NOCT: variants seen among roughly 807,000 people sequenced by gnomAD.
NOCT encodes nocturnin.
NOCT carries 18 observed loss-of-function variants against 35.0 expected under a neutral mutation model. The ratio of observed to expected loss-of-function variants is 0.51; its 90% CI spans 0.36 to 0.76. NOCT has a LOEUF of 0.76. Ranked by LOEUF, NOCT falls within the 30% of genes least tolerant of loss-of-function variation. NOCT has a pLI of 0.01. For missense variants in NOCT, 479 were observed against 541.0 expected, an observed-to-expected ratio of 0.89 and a Z score of 1.14; for synonymous variants, 235 against 226.3, an observed-to-expected ratio of 1.04 and a Z score of -0.34.
At position 139,020,897 on chromosome 4, in the gene NOCT, C is replaced by G. The variant is rs1167421007; in HGVS notation, c.190+4726C>G. On this transcript the variant is annotated intron_variant, in intron 1 of 2. Coordinates refer to ENST00000280614, the MANE Select transcript of NOCT (RefSeq NM_012118.4). The stretch of plus-strand genomic sequence containing the variant: ...TGGGCAACATGGTGAAACCCTGTCT[C>G]TACTTACATTAGAAAAAAAATAGCC... 2.0e-5 allele frequency among the ~76,000 whole-genome samples: 3 copies of G among 151,744 alleles called. No individual in the cohort carries two copies. The East Asian group carries it at 5.9e-4, about 30-fold the overall frequency.
At position 139,044,696 on chromosome 4, in the gene NOCT, A is replaced by G. The variant is rs780006655; in HGVS notation, c.518A>G (p.Glu173Gly). Residue 173 changes from glutamate (E) to glycine (G), a missense_variant, in exon 3 of 3, where the codon GAA becomes GGA. By Grantham distance (98) the Glu-to-Gly change is moderately conservative. Coordinates refer to ENST00000280614, the MANE Select transcript of NOCT (RefSeq NM_012118.4). ...VQCPVEALKW[E>G]ERKCLILEEI... ...TGCCCTGTTGAAGCACTCAAATGGG[A>G]AGAAAGGAAATGTCTCATCCTGGAA... The G allele has an allele frequency of 2.5e-6, 4 of 1,614,178 alleles. No homozygotes were observed. In the South Asian group the frequency reaches 3.3e-5, roughly 13 times the overall value.
At chr4:139,037,079 T>A (rs1327804354) in intron 1 of NOCT, among the ~76,000 whole-genome samples, 1 of 152,218 alleles carries the variant, frequency 6.6e-6, no homozygotes, top group Non-Finnish European at 1.5e-5. Context: ...GGGCTTGTCC[T>A]ATGTCATGTT....
chr4:139,045,621 A>G lies in NOCT; in HGVS notation c.*147A>G. 1 of 519,920 alleles carries G rather than the reference A, an allele frequency of 1.9e-6. No homozygotes were observed. Among genetic ancestry groups the G allele is most frequent in the Non-Finnish European group, 3.3e-6 (1 of 306,674 alleles). The allele number at this position is 519,920 out of a possible 1,614,324, so 32.2% of individuals were successfully genotyped here. ...AAGATCCGCCTCCCGGGTTCATGGCATTCTCCTGCCTCAGCCTCCAGAGCA... is the reference window on the plus strand; with the variant it reads ...AAGATCCGCCTCCCGGGTTCATGGCGTTCTCCTGCCTCAGCCTCCAGAGCA... On this transcript the variant is annotated 3_prime_UTR_variant, in exon 3 of 3. Transcript: ENST00000280614.
chr4:139,045,611 G>C lies in NOCT; in HGVS notation c.*137G>C. 1 of 528,728 alleles carries C rather than the reference G, an allele frequency of 1.9e-6. No individual in the cohort carries two copies. The highest frequency in any genetic ancestry group is 4.3e-5 in the Admixed American group (1 of 23,132). The allele number at this position is 528,728 out of a possible 1,614,324, so 32.8% of individuals were successfully genotyped here. ...GGCTCACTGCAAGATCCGCCTCCCGGGTTCATGGCATTCTCCTGCCTCAGC... is the reference window on the plus strand; with the variant it reads ...GGCTCACTGCAAGATCCGCCTCCCGCGTTCATGGCATTCTCCTGCCTCAGC... On this transcript the variant is annotated 3_prime_UTR_variant, in exon 3 of 3. Coordinates refer to ENST00000280614, the MANE Select transcript of NOCT (RefSeq NM_012118.4).
intron 1 of NOCT, among the ~76,000 whole-genome samples, chr4:139,034,508 C>A (rs758574385): frequency 6.6e-6 from 1 of 151,998 alleles, no homozygotes; most frequent in Non-Finnish European, 1.5e-5. Context: ...AAAAATAATA[C>A]GTAAAGTCTA....
intron 1 of NOCT, among the ~76,000 whole-genome samples, chr4:139,042,204 A>G (rs918054284): frequency 8.0e-5 from 12 of 149,648 alleles, no homozygotes; most frequent in Non-Finnish European, 7.4e-5. Context: ...AGTAGCTGGG[A>G]TTACAGGCGC....
At chr4:139,016,638 G>GTTTT (rs1560727604) in intron 1 of NOCT, among the ~76,000 whole-genome samples, 1 of 50,822 alleles carries the variant, frequency 2.0e-5, no homozygotes, top group African/African-American at 6.9e-5. Flanking sequence ...TTCGTTTTAC[G>GTTTT]TTGTTTTTTT....
intron 1 of NOCT, among the ~76,000 whole-genome samples, chr4:139,020,648 G>T (rs953874928): frequency 6.6e-6 from 1 of 152,162 alleles, no homozygotes; most frequent in Admixed American, 6.6e-5. Flanking sequence ...TATTTAACAA[G>T]TGCCTCAGGG....
Position 139,042,926 on chromosome 4 carries a change from AAAAG to A in NOCT, c.191-144_191-141del, listed in dbSNP as rs1245015613. On this transcript the variant is annotated intron_variant, in intron 1 of 2. Coordinates refer to ENST00000280614, the MANE Select transcript of NOCT (RefSeq NM_012118.4). ...CGAAACTCCATCTCAAAAAAAAAAA[AAAAG>A]AAAAAAGAAATGGCTTTATACACTA... 1.1e-5 allele frequency: 8 copies of A among 697,772 alleles called. No individual in the cohort carries two copies. The South Asian group carries it at 1.4e-4, about 12-fold the overall frequency. 43.2% of individuals were successfully genotyped at this position (697,772 alleles called of 1,614,324 possible). A position where few individuals can be genotyped will look rare whatever the true frequency, so the allele number is the denominator to read the frequency against.
rs1213207233 is a variant in NOCT, at chr4:139,043,308, C to G, written c.425C>G (p.Pro142Arg). ...LRTDCPSTHP[P>R]IRVMQWNILA... ...ACAGATTGCCCTAGTACCCACCCAC[C>G]TATCAGGGTTATGCAATGGAACATC... is the stretch of plus-strand genomic sequence containing the variant. The change falls in exon 2 of 3, where the codon CCT (proline) becomes CGT (arginine). Residue 142 changes from proline (P) to arginine (R), a missense_variant. This residue lies in a region of NOCT where 265 missense variants were observed against 257.0 expected (regional missense o/e 1.03). Coordinates refer to ENST00000280614, the MANE Select transcript of NOCT (RefSeq NM_012118.4). 4 of 1,614,116 alleles carry G rather than the reference C, an allele frequency of 2.5e-6. No individual in the cohort carries two copies. The South Asian group carries it at 4.4e-5, about 18-fold the overall frequency.
intron 1 of NOCT, among the ~76,000 whole-genome samples, chr4:139,017,137 A>G (rs1470175477): frequency 2.0e-5 from 3 of 151,826 alleles, no homozygotes; most frequent in Non-Finnish European, 4.4e-5. Flanking sequence ...CTGCCTGGGC[A>G]CACATTACCA....
chr4:139,036,418 A>G (rs961470746), intron 1 of NOCT, among the ~76,000 whole-genome samples: 2 of 152,164 alleles, frequency 1.3e-5, no homozygotes, highest in African/African-American at 4.8e-5. Context: ...TTGACAAAAA[A>G]TGAATGAACA....
At chr4:139,020,378 G>C (rs115380135) in intron 1 of NOCT, among the ~76,000 whole-genome samples, 1 of 152,164 alleles carries the variant, frequency 6.6e-6, no homozygotes, top group African/African-American at 2.4e-5. Context: ...GGCTGAATTT[G>C]TCAAGAAATG....
Position 139,045,028 on chromosome 4 carries a change from G to T in NOCT, c.850G>T (p.Val284Phe). 6.2e-7 allele frequency: 1 copy of T among 1,614,226 alleles called. No homozygotes were observed. The highest frequency in any genetic ancestry group is 8.5e-7 in the Non-Finnish European group (1 of 1,180,050). The change falls in exon 3 of 3, where the codon GTT becomes TTT. Residue 284 changes from valine to phenylalanine, a missense_variant. Physicochemically the swap from Val to Phe is conservative, Grantham distance 50 (BLOSUM62 -1). Transcript: ENST00000280614. ...KESGRQFCIA[V>F]THLKARTGWE... Reference sequence around the variant, plus strand: ...GTCAGGCCGACAGTTCTGCATCGCTGTTACCCATCTAAAAGCACGCACTGG... The same window carrying T: ...GTCAGGCCGACAGTTCTGCATCGCTTTTACCCATCTAAAAGCACGCACTGG...
In NOCT at chr4:139,044,878, G is replaced by A; in HGVS notation, c.700G>A (p.Asp234Asn). 6.2e-7 allele frequency: 1 copy of A among 1,614,160 alleles called. No individual in the cohort carries two copies. Among genetic ancestry groups the A allele is most frequent in the Non-Finnish European group, 8.5e-7 (1 of 1,179,994 alleles). Residue 234 changes from aspartate to asparagine, a missense_variant, in exon 3 of 3, where the codon GAT becomes AAT. Physicochemically the swap from Asp to Asn is conservative, Grantham distance 23 (BLOSUM62 1). Around this residue, in one of 2 missense-constraint regions of NOCT, gnomAD observed 214 missense variants for 284.0 expected, o/e 0.75. Transcript: ENST00000280614. ...CLDVEHNNGP[D>N]GCALFFLQNR... ...AGATGTAGAACACAACAATGGACCAGATGGTTGTGCCTTATTTTTTCTTCA... is the reference window on the plus strand; with the variant it reads ...AGATGTAGAACACAACAATGGACCAAATGGTTGTGCCTTATTTTTTCTTCA...
At chr4:139,023,996 T>C (rs951973718) in intron 1 of NOCT, among the ~76,000 whole-genome samples, 23 of 152,030 alleles carry the variant, frequency 1.5e-4, no homozygotes, top group African/African-American at 5.5e-4. Flanking sequence ...GTTCTTGAAC[T>C]CCTGTTAGAT....
intron 1 of NOCT, among the ~76,000 whole-genome samples, chr4:139,021,308 C>T (rs1240443304): frequency 6.6e-6 from 1 of 151,888 alleles, no homozygotes; most frequent in African/African-American, 2.4e-5. Flanking sequence ...CCGCCAAAAG[C>T]AGCTTTTAAG....
intron 2 of NOCT, chr4:139,043,992 A>ATATATATATG (rs1560735183): frequency 6.8e-6 from 1 of 147,900 alleles, no homozygotes; most frequent in Non-Finnish European, 1.5e-5. Flanking sequence ...ATATATATAT[A>ATATATATATG]TATATATATA....
At chr4:139,032,114 T>C (rs1726638728) in intron 1 of NOCT, among the ~76,000 whole-genome samples, 1 of 152,344 alleles carries the variant, frequency 6.6e-6, no homozygotes, top group Admixed American at 6.5e-5. Context: ...TCTCTGGCAG[T>C]TCTTCAAAGG....
Sources: allele counts gnomAD v4.1 joint callset (sites outside exome capture counted in the v4.1 genomes callset), GRCh38; gene constraint gnomAD v4.1.1; regional missense constraint gnomAD v4.1.1; transcripts MANE v1.5; gene names NCBI Gene and HGNC (gene_info 2026-07-23, HGNC 2026-07-21).